The following GRIA1 variants were observed in gnomAD, a reference collection of about 807,000 sequenced individuals.
The protein encoded by GRIA1 is glutamate ionotropic receptor AMPA type subunit 1.
Under a neutral mutation model 99.2 loss-of-function variants are expected in GRIA1, and 31 were observed. That is an observed-to-expected ratio of 0.31 (90% CI 0.23 to 0.42). The LOEUF is 0.42. Among genes scored for constraint, GRIA1 ranks in the 10% least tolerant of loss-of-function variants. GRIA1 has a pLI of 1.00. For missense variants in GRIA1, 782 were observed against 1,157.5 expected (o/e 0.68, Z 4.71); for synonymous variants, 438 against 432.4 (o/e 1.01, Z -0.16).
intron 2 of GRIA1, among the ~76,000 whole-genome samples, chr5:153,626,484 G>A: frequency 8.6e-6 from 1 of 116,090 alleles, no homozygotes; most frequent in African/African-American, 3.0e-5. Flanking sequence ...GTGTGTGTGT[G>A]TGTATGTGTT....
chr5:153,793,648 G>T (rs1465326495), intron 13 of GRIA1, among the ~76,000 whole-genome samples: 3 of 152,192 alleles, frequency 2.0e-5, no homozygotes, highest in African/African-American at 7.2e-5. Flanking sequence ...CTTGAACAGG[G>T]TCTCAGAGGG....
chr5:153,511,105 C>A (rs1756024995), intron 2 of GRIA1, among the ~76,000 whole-genome samples: 1 of 152,162 alleles, frequency 6.6e-6, no homozygotes, highest in African/African-American at 2.4e-5. Flanking sequence ...CCCTCTGTAG[C>A]CCACAGAACA....
At chr5:153,511,484 C>A (rs1158768953) in intron 2 of GRIA1, among the ~76,000 whole-genome samples, 1 of 152,160 alleles carries the variant, frequency 6.6e-6, no homozygotes, top group Non-Finnish European at 1.5e-5. Flanking sequence ...GTTTTTTGGG[C>A]TTCTTCCTGG....
intron 11 of GRIA1, among the ~76,000 whole-genome samples, chr5:153,739,477 C>T (rs1006835969): frequency 2.6e-5 from 4 of 152,206 alleles, no homozygotes; most frequent in Non-Finnish European, 4.4e-5. Context: ...TCAATGACAG[C>T]ATCAAAGCTG....
chr5:153,510,719 A>G (rs1161234207), intron 2 of GRIA1, among the ~76,000 whole-genome samples: 2 of 152,226 alleles, frequency 1.3e-5, no homozygotes, highest in Non-Finnish European at 2.9e-5. Flanking sequence ...GGTCTTGTTT[A>G]TAAGCAAATA....
intron 2 of GRIA1, among the ~76,000 whole-genome samples, chr5:153,635,378 A>G (rs558606088): frequency 1.3e-5 from 2 of 152,164 alleles, no homozygotes; most frequent in African/African-American, 4.8e-5. Flanking sequence ...TGTAAAGCTA[A>G]TCTCTCCCAC....
chr5:153,643,450 T>A (rs998141381), intron 2 of GRIA1, among the ~76,000 whole-genome samples: 3 of 152,224 alleles, frequency 2.0e-5, no homozygotes, highest in African/African-American at 7.2e-5. Flanking sequence ...TTGTGACAGA[T>A]TCAAAGTAGA....
At chr5:153,647,565 C>T (rs946144002) in intron 3 of GRIA1, among the ~76,000 whole-genome samples, 1 of 152,102 alleles carries the variant, frequency 6.6e-6, no homozygotes, top group Non-Finnish European at 1.5e-5. Context: ...TTCTCTATGC[C>T]TTCATTTTCT....
At chr5:153,567,159 A>T (rs1467954883) in intron 2 of GRIA1, among the ~76,000 whole-genome samples, 1 of 152,104 alleles carries the variant, frequency 6.6e-6, no homozygotes, top group Non-Finnish European at 1.5e-5. Context: ...TTCTGCTTTC[A>T]TTCATTTATG....
chr5:153,725,444 C>G (rs1228857826), intron 11 of GRIA1, among the ~76,000 whole-genome samples: 1 of 137,156 alleles, frequency 7.3e-6, no homozygotes, highest in Non-Finnish European at 1.5e-5. Context: ...TTAAAAGACA[C>G]AGAGCGGCAA....
chr5:153,791,252 T>C (rs917122684), intron 13 of GRIA1, among the ~76,000 whole-genome samples: 25 of 144,858 alleles, frequency 1.7e-4, no homozygotes, highest in African/African-American at 6.3e-4. Flanking sequence ...CTGGGCAACA[T>C]AGTGAGACCT....
intron 8 of GRIA1, among the ~76,000 whole-genome samples, chr5:153,689,290 C>G (rs1042773374): frequency 7.2e-5 from 11 of 152,124 alleles, no homozygotes; most frequent in Non-Finnish European, 1.5e-5. Flanking sequence ...AGCAGGCAAG[C>G]CTATTGCTCC....
intron 7 of GRIA1, among the ~76,000 whole-genome samples, chr5:153,680,389 G>A (rs1272012569): frequency 3.3e-5 from 5 of 152,014 alleles, no homozygotes; most frequent in African/African-American, 9.7e-5. Context: ...GTCGCCTTCT[G>A]GACGGTGGAG....
In GRIA1 at chr5:153,511,212, G is replaced by A. The variant is rs144508611; in HGVS notation, c.220+17147G>A. On this transcript the variant is annotated intron_variant, in intron 2 of 15. Transcript: ENST00000285900. ...TTACTTGCAACAAGTAAGGATGGCT[G>A]ACACTGAGCATAGTTCCCAAAGCAG... Among the ~76,000 whole-genome samples the A allele has an allele frequency of 8.0e-4, 122 of 152,282 alleles. 1 individual carries two copies. The South Asian group carries it at 8.5e-3, about 11-fold the overall frequency.
chr5:153,714,907 C>T (rs1295522649), intron 11 of GRIA1, among the ~76,000 whole-genome samples: 2 of 152,198 alleles, frequency 1.3e-5, no homozygotes, highest in Non-Finnish European at 2.9e-5. Flanking sequence ...AAACCACAAA[C>T]CTAGCTGATG....
chr5:153,674,025 C>T (rs1360938858), intron 5 of GRIA1, among the ~76,000 whole-genome samples: 1 of 152,198 alleles, frequency 6.6e-6, no homozygotes, highest in Non-Finnish European at 1.5e-5. Context: ...TCAGATTCCT[C>T]TTCTCTCAAA....
At chr5:153,593,067 AC>A (rs1272397055) in intron 2 of GRIA1, among the ~76,000 whole-genome samples, 1 of 152,146 alleles carries the variant, frequency 6.6e-6, no homozygotes, top group Non-Finnish European at 1.5e-5. Flanking sequence ...GGAGTTGGAG[AC>A]CAACCTGGCC....
chr5:153,635,616 C>T (rs1243877851), intron 2 of GRIA1, among the ~76,000 whole-genome samples: 1 of 152,140 alleles, frequency 6.6e-6, no homozygotes, highest in Non-Finnish European at 1.5e-5. Context: ...AAGAATGAGA[C>T]TTGTTGACCC....
intron 11 of GRIA1, 22 bp downstream of exon 11, chr5:153,706,089 C>T: frequency 6.3e-7 from 1 of 1,596,058 alleles, no homozygotes; most frequent in African/African-American, 1.4e-5. Context: ...CTTCTCAATC[C>T]CTTTGCCTAA....
Sources: gnomAD v4.1 joint callset for allele counts (sites outside exome capture counted in the v4.1 genomes callset) on GRCh38, gnomAD v4.1.1 for gene constraint, MANE v1.5 for transcripts, NCBI Gene and HGNC (gene_info 2026-07-23, HGNC 2026-07-21) for gene names.